G3BP2: variants seen among roughly 807,000 people sequenced by gnomAD.
The protein encoded by G3BP2 is G3BP stress granule assembly factor 2.
A neutral mutation model predicts 56.7 loss-of-function variants in G3BP2; 11 were observed. The ratio of observed to expected loss-of-function variants is 0.19; its 90% confidence interval spans 0.12 to 0.32. The LOEUF (loss-of-function observed/expected upper bound fraction) is 0.32, where lower values mean the gene tolerates loss of function less well. Ranked by LOEUF, G3BP2 falls within the 10% of genes least tolerant of loss-of-function variation. The pLI is 1.00. For missense variants in G3BP2, 340 were observed against 610.9 expected (o/e 0.56, Z 4.67); for synonymous variants, 165 against 191.6 (o/e 0.86, Z 1.15).
intron 1 of G3BP2, among the ~76,000 whole-genome samples, chr4:75,666,626 T>C (rs1242329790): frequency 3.3e-5 from 5 of 152,230 alleles, no homozygotes; most frequent in East Asian, 1.9e-4. Context: ...AATAAGACTA[T>C]GAAAATTGAG....
intron 3 of G3BP2, among the ~76,000 whole-genome samples, chr4:75,706,454 A>T (rs1325997119): frequency 1.1e-4 from 17 of 152,150 alleles, no homozygotes; most frequent in Admixed American, 1.1e-3. Flanking sequence ...CTGTGGTGTG[A>T]CCTTAGCCGA....
At chr4:75,659,690 A>T (rs914510696) in intron 2 of G3BP2, among the ~76,000 whole-genome samples, 1 of 152,200 alleles carries the variant, frequency 6.6e-6, no homozygotes, top group African/African-American at 2.4e-5. Flanking sequence ...TAACTTTCTT[A>T]ACAATCTCAT....
chr4:75,674,750 T>C (rs1357896536), upstream of G3BP2, among the ~76,000 whole-genome samples: 20 of 133,098 alleles, frequency 1.5e-4, no homozygotes, highest in African/African-American at 4.9e-4. Flanking sequence ...TAAGATGGAG[T>C]CTCTCTGTGT....
intron 3 of G3BP2, among the ~76,000 whole-genome samples, chr4:75,686,476 G>T (rs1001393073): frequency 1.3e-5 from 2 of 150,782 alleles, no homozygotes; most frequent in Non-Finnish European, 2.9e-5. Flanking sequence ...GAAGGTGGTG[G>T]GTGGTGTAAG....
chr4:75,714,823 G>A (rs577566154), intron 3 of G3BP2, among the ~76,000 whole-genome samples: 7 of 152,174 alleles, frequency 4.6e-5, no homozygotes, highest in Admixed American at 3.3e-4. Context: ...ATGTGATGCT[G>A]GAGATAGAAC....
intron 3 of G3BP2, among the ~76,000 whole-genome samples, chr4:75,697,474 C>A (rs1015655624): frequency 6.6e-6 from 1 of 151,606 alleles, no homozygotes; most frequent in Non-Finnish European, 1.5e-5. Context: ...ATACACTATT[C>A]GACTTTTTTC....
At chr4:75,717,656 G>T (rs1719981046) in intron 3 of G3BP2, among the ~76,000 whole-genome samples, 1 of 152,150 alleles carries the variant, frequency 6.6e-6, no homozygotes, top group African/African-American at 2.4e-5. Flanking sequence ...AACTTCAAAG[G>T]CTTTGGTCTA....
At chr4:75,706,228 C>T (rs1167533157) in intron 3 of G3BP2, among the ~76,000 whole-genome samples, 1 of 152,136 alleles carries the variant, frequency 6.6e-6, no homozygotes, top group Non-Finnish European at 1.5e-5. Context: ...GATATTGAGG[C>T]AGCATTGTGT....
intron 3 of G3BP2, among the ~76,000 whole-genome samples, chr4:75,720,841 A>G (rs1465729566): frequency 6.9e-6 from 1 of 144,142 alleles, no homozygotes; most frequent in African/African-American, 2.6e-5. Flanking sequence ...ATAAATAAAT[A>G]AAAATATTTT....
At chr4:75,665,972 C>T (rs375836978) in intron 1 of G3BP2, among the ~76,000 whole-genome samples, 1 of 152,276 alleles carries the variant, frequency 6.6e-6, no homozygotes, top group East Asian at 1.9e-4. Context: ...AGATTTTCTA[C>T]AGGAACACTG....
intron 3 of G3BP2, among the ~76,000 whole-genome samples, chr4:75,689,151 C>T (rs573312749): frequency 3.3e-5 from 5 of 152,190 alleles, no homozygotes; most frequent in South Asian, 4.1e-4. Context: ...GGGAGGCGGG[C>T]GGATCACTTG....
At position 75,684,831 on chromosome 4, in the gene G3BP2, T is replaced by G. The variant is rs1336186167; in HGVS notation, c.-24-22782A>C. ...CTGAAAAGATCCATATTTCATTGTC[T>G]TCTAAAATGGGTCTATGTCCTAAAA... On this transcript the variant is annotated intron_variant, in intron 3 of 3. Transcript: ENST00000499709. Among the ~76,000 whole-genome samples, 3 of 152,150 alleles carry G rather than the reference T, an allele frequency of 2.0e-5. No individual in the cohort carries two copies. The East Asian group carries it at 5.8e-4, about 29-fold the overall frequency.
At chr4:75,693,176 G>A (rs1281722944) in intron 3 of G3BP2, among the ~76,000 whole-genome samples, 1 of 151,944 alleles carries the variant, frequency 6.6e-6, no homozygotes, top group Non-Finnish European at 1.5e-5. Flanking sequence ...CCTGGGAGGT[G>A]GAGGTTGCAG....
chr4:75,671,714 T>C (rs1733502461), intron 1 of G3BP2, among the ~76,000 whole-genome samples: 3 of 152,166 alleles, frequency 2.0e-5, no homozygotes. Context: ...AAAGATTAAA[T>C]CATAACATAA....
At chr4:75,708,713 G>A (rs146134284) in intron 3 of G3BP2, among the ~76,000 whole-genome samples, 302 of 152,366 alleles carry the variant, frequency 2.0e-3, no homozygotes, top group African/African-American at 7.0e-3. Flanking sequence ...GCTCATGCCT[G>A]TAGTCCCAGC....
intron 3 of G3BP2, among the ~76,000 whole-genome samples, chr4:75,703,505 T>C (rs1179747946): frequency 6.6e-6 from 1 of 152,148 alleles, no homozygotes; most frequent in Non-Finnish European, 1.5e-5. Context: ...CTAAAATGTA[T>C]ACGACTGTGA....
intron 3 of G3BP2, among the ~76,000 whole-genome samples, chr4:75,680,869 G>A (rs540327679): frequency 4.6e-5 from 7 of 152,016 alleles, no homozygotes; most frequent in South Asian, 2.1e-4. Flanking sequence ...TCGGGAGGCC[G>A]AGGCAGGAGA....
intron 1 of G3BP2, among the ~76,000 whole-genome samples, chr4:75,666,429 G>A (rs1455337162): frequency 6.6e-6 from 1 of 152,106 alleles, no homozygotes; most frequent in Non-Finnish European, 1.5e-5. Flanking sequence ...CCAAAGGAAT[G>A]GTAAAACAAA....
chr4:75,654,259 A>G (rs1315007211), intron 7 of G3BP2, among the ~76,000 whole-genome samples, 178 bp from the exon 8 acceptor site: 1 of 152,230 alleles, frequency 6.6e-6, no homozygotes, highest in African/African-American at 2.4e-5. Flanking sequence ...TCAAAATCTC[A>G]TTATGCAAGC....
Sources: gnomAD v4.1 joint callset for allele counts (sites outside exome capture counted in the v4.1 genomes callset) on GRCh38, gnomAD v4.1.1 for gene constraint, MANE v1.5 for transcripts, NCBI Gene and HGNC (gene_info 2026-07-23, HGNC 2026-07-21) for gene names.